Variants in ANGPTL2 observed in about 807,000 individuals in gnomAD.
ANGPTL2 encodes the protein angiopoietin like 2.
ANGPTL2 carries 25 observed loss-of-function variants against 52.8 expected under a neutral mutation model. That is an observed-to-expected ratio of 0.47 (90% CI 0.35 to 0.66). ANGPTL2 has a LOEUF of 0.66. Ranked by LOEUF, ANGPTL2 falls within the 30% of genes least tolerant of loss-of-function variation. The probability of loss-of-function intolerance (pLI) is 0.01; values close to 1 mark genes in which losing one functional copy is unlikely to be tolerated. For missense variants in ANGPTL2, 546 were observed against 656.9 expected (o/e 0.83, Z 1.84); for synonymous variants, 276 against 277.4 (o/e 1.00, Z 0.05).
chr9:127,089,218 A>C, intron 4 of ANGPTL2, 80 bp from the exon 5 acceptor site: 2 of 1,485,408 alleles, frequency 1.3e-6, no homozygotes, highest in Non-Finnish European at 1.9e-6. Flanking sequence ...GCTTTCGGCA[A>C]AGCCCTCTCT....
intron 1 of ANGPTL2, among the ~76,000 whole-genome samples, chr9:127,115,180 AATT>A (rs112610239): frequency 4.0e-5 from 6 of 151,232 alleles, no homozygotes; most frequent in African/African-American, 7.3e-5. Flanking sequence ...TGTCTTACGT[AATT>A]ATTATTATTA....
chr9:127,103,209 C>T (rs905505261), intron 2 of ANGPTL2, among the ~76,000 whole-genome samples: 4 of 152,240 alleles, frequency 2.6e-5, no homozygotes, highest in Non-Finnish European at 4.4e-5. Context: ...CAATCGTGTA[C>T]GTATTTCCTA....
Position 127,108,417 on chromosome 9 carries a change from C to G in ANGPTL2, c.315G>C (p.Thr105=). The change falls in exon 2 of 5, where the codon ACG becomes ACC. Residue 105 remains threonine, a synonymous_variant. Coordinates refer to ENST00000373425, the MANE Select transcript of ANGPTL2 (RefSeq NM_012098.3). ...ELLKQKRQIE[T]LQQLVEVDGG... ...CGTCCACCTCCACCAGCTGCTGCAGCGTCTCGATCTGCCGCTTCTGCTTGA... is the reference window on the plus strand; with the variant it reads ...CGTCCACCTCCACCAGCTGCTGCAGGGTCTCGATCTGCCGCTTCTGCTTGA... The G allele has an allele frequency of 6.2e-7, 1 of 1,608,450 alleles. No homozygotes were observed. The highest frequency in any genetic ancestry group is 8.5e-7 in the Non-Finnish European group (1 of 1,178,480).
intron 2 of ANGPTL2, among the ~76,000 whole-genome samples, chr9:127,096,318 G>A (rs1292073285): frequency 6.6e-6 from 1 of 152,210 alleles, no homozygotes; most frequent in Non-Finnish European, 1.5e-5. Context: ...GGGCGTGGGA[G>A]GCCTCCCAGC....
chr9:127,097,396 G>A (rs541295351), intron 2 of ANGPTL2, among the ~76,000 whole-genome samples: 3 of 152,320 alleles, frequency 2.0e-5, no homozygotes, highest in Admixed American at 1.3e-4. Flanking sequence ...GTCTGTACAC[G>A]GAATTTCACA....
intron 2 of ANGPTL2, among the ~76,000 whole-genome samples, chr9:127,105,094 C>T (rs2054092194): frequency 6.6e-6 from 1 of 152,184 alleles, no homozygotes; most frequent in South Asian, 2.1e-4. Context: ...TCTACCCATT[C>T]ATCTTCCACA....
rs1236298851 is a variant in ANGPTL2, at chr9:127,122,459, G to A, written c.-194C>T. 1 of 152,536 alleles carries A rather than the reference G, an allele frequency of 6.6e-6. No individual in the cohort carries two copies. The highest frequency in any genetic ancestry group is 1.9e-4 in the East Asian group (1 of 5,194). The allele number at this position is 152,536 out of a possible 1,614,324, so 9.4% of individuals were successfully genotyped here. A position where few individuals can be genotyped will look rare whatever the true frequency, so the allele number is the denominator to read the frequency against. ...CAGCCCTGCCTCACTGGGCTCCACT[G>A]GCTCTGCCTCCACAGAGGGCTCCGG... On this transcript the variant is annotated 5_prime_UTR_variant, in exon 1 of 5. Transcript: ENST00000373425. The surrounding 1 kb of genome is among the most constrained non-coding windows in gnomAD (Gnocchi z 6.4).
chr9:127,093,472 G>A (rs1564563873), intron 3 of ANGPTL2, among the ~76,000 whole-genome samples: 1 of 152,216 alleles, frequency 6.6e-6, no homozygotes, highest in Non-Finnish European at 1.5e-5. Flanking sequence ...GGGCTGTGGT[G>A]GTCTGGTCTA....
At chr9:127,105,857 A>G (rs997802966) in intron 2 of ANGPTL2, among the ~76,000 whole-genome samples, 5 of 152,248 alleles carry the variant, frequency 3.3e-5, no homozygotes, top group Admixed American at 2.6e-4. Context: ...CCCCAAGTCT[A>G]GTGCTGCGAC....
chr9:127,121,527 A>G (rs7045790), intron 1 of ANGPTL2, among the ~76,000 whole-genome samples: 10,209 of 152,322 alleles, frequency 0.067, 429 homozygotes, highest in Middle Eastern at 0.16. Flanking sequence ...GAGCTGACCC[A>G]TGACACACAT....
Position 127,091,749 on chromosome 9 carries a change from A to G in ANGPTL2, c.1203T>C (p.His401=), listed in dbSNP as rs775851238. ...ATGTAAAGGAGTCACCCGCATTGCC[A>G]TGGTAGCGCCCCAGCCGCAGCTTAT... ...EYYKLRLGRY[H]GNAGDSFTWH... is the part of the protein sequence containing the mutation. Residue 401 remains histidine (H), a synonymous_variant, in exon 4 of 5, where the codon CAT becomes CAC. Coordinates refer to ENST00000373425, the MANE Select transcript of ANGPTL2 (RefSeq NM_012098.3). The surrounding 1 kb of genome is among the most constrained non-coding windows in gnomAD (Gnocchi z 4.3). The G allele has an allele frequency of 3.1e-6, 5 of 1,614,094 alleles. No homozygotes were observed. In the South Asian group the frequency reaches 4.4e-5, roughly 14 times the overall value.
intron 2 of ANGPTL2, among the ~76,000 whole-genome samples, chr9:127,096,596 T>C (rs533894772): frequency 6.6e-6 from 1 of 152,352 alleles, no homozygotes. Context: ...CCATGAATGA[T>C]CTCAGTTTTA....
intron 1 of ANGPTL2, among the ~76,000 whole-genome samples, chr9:127,111,941 G>C (rs1367276183): frequency 6.6e-6 from 1 of 152,182 alleles, no homozygotes; most frequent in Admixed American, 6.6e-5. Flanking sequence ...ACATTAATCT[G>C]TGCTAAAATA....
intron 2 of ANGPTL2, among the ~76,000 whole-genome samples, chr9:127,107,449 C>G (rs1483560143): frequency 6.6e-6 from 1 of 152,192 alleles, no homozygotes. Flanking sequence ...CATGCCCAGC[C>G]CCTACAATGT....
chr9:127,088,925 G>A lies in ANGPTL2; in HGVS notation c.*14C>T, dbSNP rs1362374003. The A allele has an allele frequency of 4.3e-6, 7 of 1,614,104 alleles. No homozygotes were observed. In the African/African-American group the frequency reaches 5.3e-5, roughly 12 times the overall value. On this transcript the variant is annotated 3_prime_UTR_variant, in exon 5 of 5. Transcript: ENST00000373425. ...CCTGGCAATGGCCACGAGAGGTCAG[G>A]AGGGGGAGCTGGCTTAGTGGAAGGT... is the stretch of plus-strand genomic sequence containing the variant.
At chr9:127,110,316 C>T (rs961992325) in intron 1 of ANGPTL2, among the ~76,000 whole-genome samples, 4 of 152,136 alleles carry the variant, frequency 2.6e-5, no homozygotes, top group African/African-American at 9.7e-5. Flanking sequence ...AGTTGGGCTC[C>T]CTTCTTGACC....
In ANGPTL2 at chr9:127,108,119, G is replaced by A. The variant is rs774255661; in HGVS notation, c.613C>T (p.Gln205Ter). Residue 205 changes from glutamine (Q) to a stop codon, truncating the protein, a stop_gained, in exon 2 of 5, where the codon CAG (glutamine) becomes TAG (stop). Coordinates refer to ENST00000373425, the MANE Select transcript of ANGPTL2 (RefSeq NM_012098.3). LOFTEE classifies it high-confidence loss of function. ...EIIAQLEEHCQRVPSARPVPQ... is the reference protein window; with the variant it reads ...EIIAQLEEHC ...ACGGGCCTGGCCGAGGGCACCCTCT[G>A]GCAGTGCTCCTCAAGCTGCGCGATG... The A allele has an allele frequency of 3.1e-6, 5 of 1,613,620 alleles. No homozygotes were observed. The highest frequency in any genetic ancestry group is 4.2e-6 in the Non-Finnish European group (5 of 1,179,814).
chr9:127,110,264 C>G (rs2054663556), intron 1 of ANGPTL2, among the ~76,000 whole-genome samples: 1 of 152,150 alleles, frequency 6.6e-6, no homozygotes, highest in African/African-American at 2.4e-5. Context: ...AGGGCTGGTT[C>G]TTGATCCTCA....
intron 1 of ANGPTL2, among the ~76,000 whole-genome samples, chr9:127,115,936 G>A (rs1163514293): frequency 3.9e-5 from 6 of 152,208 alleles, no homozygotes; most frequent in Admixed American, 3.3e-4. Flanking sequence ...ATCTCCAGCT[G>A]CCCTCCCCTC....
Sources: allele counts gnomAD v4.1 joint callset (sites outside exome capture counted in the v4.1 genomes callset), GRCh38; gene constraint gnomAD v4.1.1; non-coding constraint Gnocchi (gnomAD v3.1); transcripts MANE v1.5; gene names NCBI Gene and HGNC (gene_info 2026-07-23, HGNC 2026-07-21).